The following ERICH3 variants were observed in gnomAD, a reference collection of about 807,000 sequenced individuals.
ERICH3 encodes glutamate-rich protein 3.
A neutral mutation model predicts 131.1 loss-of-function variants in ERICH3; 126 were observed. That is an observed-to-expected ratio of 0.96 (90% confidence interval 0.83 to 1.11). The LOEUF (loss-of-function observed/expected upper bound fraction) is 1.11. ERICH3 is among the 50% of genes most tolerant of loss of function. ERICH3 has a pLI of 0.00. For synonymous variants in ERICH3, 695 were observed against 644.6 expected (o/e 1.08, Z -1.18); for missense variants, 2,050 against 1,810.7 (o/e 1.13, Z -2.40).
At position 74,595,156 on chromosome 1, in the gene ERICH3, T is replaced by C. The variant is rs887368567; in HGVS notation, c.1726+4539A>G. 2.6e-5 allele frequency among the ~76,000 whole-genome samples: 4 copies of C among 152,206 alleles called. No homozygotes were observed. The South Asian group carries it at 8.3e-4, about 32-fold the overall frequency. ...TGAATTTATATATCCTACTATTAGT[T>C]GTATAAATAGTTCTGTCTTAATGAA... On this transcript the variant is annotated intron_variant, in intron 11 of 14. Transcript: ENST00000326665.
rs1465396734 is a variant in ERICH3 at position 74,641,409 on chromosome 1, G to A, written c.366C>T (p.Pro122=). The A allele has an allele frequency of 1.9e-6, 3 of 1,611,674 alleles. No homozygotes were observed. Among genetic ancestry groups the A allele is most frequent in the Admixed American group, 1.7e-5 (1 of 59,472 alleles). ...TACTCTTTGGGCCAACTGGTGGGTG[G>A]GGAGACAGGATTGGCATGTTATTTT... ...SVENNMPILS[P]HPPVGPKSNR... is the part of the protein sequence containing the mutation. The change falls in exon 5 of 15, where the codon CCC becomes CCT. Residue 122 remains proline, a synonymous_variant. Coordinates refer to ENST00000326665, the MANE Select transcript of ERICH3 (RefSeq NM_001002912.5).
Position 74,590,047 on chromosome 1 carries a change from C to G in ERICH3, c.1760G>C (p.Ser587Thr). 1 of 1,611,296 alleles carries G rather than the reference C, an allele frequency of 6.2e-7. No individual in the cohort carries two copies. Among genetic ancestry groups the G allele is most frequent in the African/African-American group, 1.3e-5 (1 of 74,910 alleles). The change falls in exon 12 of 15, where the codon AGT becomes ACT. Residue 587 changes from serine to threonine, a missense_variant. Coordinates refer to ENST00000326665, the MANE Select transcript of ERICH3 (RefSeq NM_001002912.5). ...CTCACTGTCACTAGAATAAGGGTGA[C>G]TTCTGGATGAGGTTGATGAAGCAGT... ...MKTASSTSSR[S>T]HPYSSDSEDE...
At chr1:74,597,462 G>C (rs999703851) in intron 11 of ERICH3, among the ~76,000 whole-genome samples, 2 of 151,840 alleles carry the variant, frequency 1.3e-5, no homozygotes, top group Non-Finnish European at 2.9e-5. Context: ...TTTAATTTTG[G>C]CTCTTAAATT....
chr1:74,622,876 T>G (rs1318218728), intron 7 of ERICH3: 2 of 152,182 alleles, frequency 1.3e-5, no homozygotes, highest in Non-Finnish European at 2.9e-5. Flanking sequence ...AAATCTCTTT[T>G]CTCTTGGGTC....
chr1:74,588,431 A>T (rs1647436107), intron 12 of ERICH3, among the ~76,000 whole-genome samples: 1 of 152,156 alleles, frequency 6.6e-6, no homozygotes, highest in Non-Finnish European at 1.5e-5. Context: ...TAGAAGATTA[A>T]TAATATTGGT....
At chr1:74,674,266 G>A (rs1280361909), upstream of ERICH3, among the ~76,000 whole-genome samples, 1 of 152,188 alleles carries the variant, frequency 6.6e-6, no homozygotes, top group African/African-American at 2.4e-5. Flanking sequence ...TTCAGAAGAT[G>A]GGGGAGACGC....
intron 11 of ERICH3, among the ~76,000 whole-genome samples, chr1:74,598,187 C>CTAAG (rs1473099705): frequency 6.6e-6 from 1 of 151,606 alleles, no homozygotes; most frequent in East Asian, 1.9e-4. Flanking sequence ...TTCTGAAATG[C>CTAAG]TAAGGTATGT....
In ERICH3 at chr1:74,589,709, C is replaced by T. The variant is rs867387777; in HGVS notation, c.2098G>A (p.Asp700Asn). The stretch of plus-strand genomic sequence containing the variant: ...CTTTCTTCCCAAAGCTTACTCTTAT[C>T]CTTTTCCTTTTCTTCTGCAGAAACA... ...KHVSAEEKEK[D>N]KSKLWEESTA... Residue 700 changes from aspartate (D) to asparagine (N), a missense_variant, in exon 12 of 15, where the codon GAT (aspartate) becomes AAT (asparagine). Transcript: ENST00000326665. The T allele has an allele frequency of 1.9e-6, 3 of 1,613,964 alleles. No homozygotes were observed. Among genetic ancestry groups the T allele is most frequent in the South Asian group, 2.2e-5 (2 of 91,086 alleles).
chr1:74,579,978 C>A lies in ERICH3; in HGVS notation c.2177-3042G>T, dbSNP rs545616232. 1.9e-3 allele frequency: 1,410 copies of A among 757,690 alleles called. 18 individuals carry two copies. The African/African-American group carries it at 0.024, about 13-fold the overall frequency. 46.9% of individuals were successfully genotyped at this position (757,690 alleles called of 1,614,324 possible). On this transcript the variant is annotated intron_variant, in intron 12 of 14. Transcript: ENST00000326665. ...GTATTTTTTTAAATATCAAAATATT[C>A]TTATTTTACAATGTCAGCTTTTTAG...
At chr1:74,649,348 A>C (rs528682924) in intron 1 of ERICH3, 33 bp from the exon 2 acceptor site, 1 of 1,545,110 alleles carries the variant, frequency 6.5e-7, no homozygotes, top group Non-Finnish European at 8.9e-7. Context: ...ATAAGCTTTT[A>C]CAAGGGGTTG....
intron 10 of ERICH3, among the ~76,000 whole-genome samples, chr1:74,605,185 A>C (rs1440389373): frequency 6.6e-6 from 1 of 151,986 alleles, no homozygotes; most frequent in East Asian, 1.9e-4. Context: ...TGCTAGCTTC[A>C]TACTTTTCTC....
Position 74,612,776 on chromosome 1 carries a change from C to A in ERICH3, c.1034G>T (p.Gly345Val). 2 of 1,590,838 alleles carry A rather than the reference C, an allele frequency of 1.3e-6. No individual in the cohort carries two copies. The highest frequency in any genetic ancestry group is 1.7e-6 in the Non-Finnish European group (2 of 1,161,796). ...GAAAAAGGTGAGACTGAAGGGGAAA[C>A]CATGATGCCTTTTGGAAATAAACTG... Reference protein sequence around the residue: ...TFQFISKRHHGFPFSLTFFLN... With the variant: ...TFQFISKRHHVFPFSLTFFLN... The change falls in exon 9 of 15, where the codon GGT (glycine) becomes GTT (valine). Residue 345 changes from glycine (G) to valine (V), a missense_variant. Gly to Val is a moderately radical substitution (Grantham distance 109). Transcript: ENST00000326665.
chr1:74,583,717 A>G (rs1557668643), intron 12 of ERICH3, among the ~76,000 whole-genome samples: 2 of 152,208 alleles, frequency 1.3e-5, no homozygotes, highest in Non-Finnish European at 2.9e-5. Flanking sequence ...AATACTGGTT[A>G]TTCTATTTCA....
chr1:74,649,256 G>T lies in ERICH3; in HGVS notation c.83C>A (p.Thr28Lys). Residue 28 changes from threonine (T) to lysine (K), a missense_variant, in exon 2 of 15, where the codon ACA (threonine) becomes AAA (lysine). Thr to Lys is a moderately conservative substitution (Grantham distance 78, BLOSUM62 -1). Coordinates refer to ENST00000326665, the MANE Select transcript of ERICH3 (RefSeq NM_001002912.5). The part of the protein sequence containing the change: ...DKHLAGYFNN[T>K]RIRRHLLRSG... ...TCTTAAGAGATGACGCCTTATCCTT[G>T]TATTGTTAAAATACCCAGCCAGGTG... is the stretch of plus-strand genomic sequence containing the variant. 1 of 1,612,600 alleles carries T rather than the reference G, an allele frequency of 6.2e-7. No homozygotes were observed. The highest frequency in any genetic ancestry group is 8.5e-7 in the Non-Finnish European group (1 of 1,179,150).
At position 74,572,160 on chromosome 1, in the gene ERICH3, C is replaced by T; in HGVS notation, c.3550G>A (p.Glu1184Lys). The T allele has an allele frequency of 6.2e-7, 1 of 1,613,298 alleles. No homozygotes were observed. ...TCTTTGTGCTCTGTGTCTCTGGCTT[C>T]ACTCAGTCTTTCCCCTCCTCCTTCT... The part of the protein sequence containing the change: ...RKEGGGERLS[E>K]ARDTEHKDRE... Residue 1184 changes from glutamate (E) to lysine (K), a missense_variant, in exon 14 of 15, where the codon GAA becomes AAA. Physicochemically the swap from Glu to Lys is moderately conservative, Grantham distance 56. Coordinates refer to ENST00000326665, the MANE Select transcript of ERICH3 (RefSeq NM_001002912.5).
chr1:74,572,326 G>T lies in ERICH3; in HGVS notation c.3384C>A (p.Asn1128Lys). ...PPNEMGSDAE[N>K]EAPVEASELS... Reference sequence around the variant, plus strand: ...ACTCAGAAGCCTCCACAGGTGCTTCGTTCTCAGCATCAGATCCCATTTCAT... The same window carrying T: ...ACTCAGAAGCCTCCACAGGTGCTTCTTTCTCAGCATCAGATCCCATTTCAT... Residue 1128 changes from asparagine (N) to lysine (K), a missense_variant, in exon 14 of 15, where the codon AAC (asparagine) becomes AAA (lysine). Coordinates refer to ENST00000326665, the MANE Select transcript of ERICH3 (RefSeq NM_001002912.5). The T allele has an allele frequency of 6.2e-7, 1 of 1,613,742 alleles. No individual in the cohort carries two copies. Among genetic ancestry groups the T allele is most frequent in the South Asian group, 1.1e-5 (1 of 90,976 alleles).
At chr1:74,608,528 TTTCAGCCATC>T (rs1263436899) in intron 9 of ERICH3, among the ~76,000 whole-genome samples, 1 of 152,022 alleles carries the variant, frequency 6.6e-6, no homozygotes, top group Non-Finnish European at 1.5e-5. Flanking sequence ...TTTCACTAAA[TTTCAGCCATC>T]TGCAGCGTAG....
At chr1:74,653,867 T>TA (rs1310634318) in intron 1 of ERICH3, among the ~76,000 whole-genome samples, 1 of 152,148 alleles carries the variant, frequency 6.6e-6, no homozygotes, top group East Asian at 1.9e-4. Context: ...TGAAAAGAGA[T>TA]AGAGAAATGC....
chr1:74,614,109 G>C (rs545346244), intron 8 of ERICH3, among the ~76,000 whole-genome samples: 9 of 152,210 alleles, frequency 5.9e-5, no homozygotes, highest in South Asian at 2.1e-4. Context: ...TCTGTGGTAA[G>C]AACCAAGAAT....
Sources: allele counts gnomAD v4.1 joint callset (sites outside exome capture counted in the v4.1 genomes callset), GRCh38; gene constraint gnomAD v4.1.1; transcripts MANE v1.5; gene names NCBI Gene and HGNC (gene_info 2026-07-23, HGNC 2026-07-21).